Variants in GALNT5 observed in about 807,000 individuals in gnomAD.
GALNT5 encodes polypeptide N-acetylgalactosaminyltransferase 5.
A neutral mutation model predicts 85.4 loss-of-function variants in GALNT5; 72 were observed. That is an observed-to-expected ratio of 0.84 (90% CI 0.70 to 1.03). GALNT5 has a LOEUF of 1.03. GALNT5 is among the 50% of genes least tolerant of loss of function. GALNT5 has a pLI of 0.00. For missense variants in GALNT5, 1,137 were observed against 1,135.5 expected, an observed-to-expected ratio of 1.00 and a Z score of -0.02; for synonymous variants, 404 against 397.0, an observed-to-expected ratio of 1.02 and a Z score of -0.21.
intron 1 of GALNT5, among the ~76,000 whole-genome samples, chr2:157,282,614 T>C (rs1300850936): frequency 1.3e-5 from 2 of 152,220 alleles, no homozygotes; most frequent in Non-Finnish European, 2.9e-5. Flanking sequence ...TATAGGTACA[T>C]GTTTAATTTC....
At position 157,311,232 on chromosome 2, in the gene GALNT5, A is replaced by G; in HGVS notation, c.2707A>G (p.Asn903Asp). 1 of 1,611,212 alleles carries G rather than the reference A, an allele frequency of 6.2e-7. No homozygotes were observed. The highest frequency in any genetic ancestry group is 1.7e-4 in the Middle Eastern group (1 of 6,044). Residue 903 changes from asparagine to aspartate, a missense_variant, in exon 10 of 10, where the codon AAT (asparagine) becomes GAT (aspartate). Transcript: ENST00000259056. ...ELVNHIVFEN[N>D]QQLLCLEGNF... is the part of the protein sequence containing the mutation. ...GGTGAATCACATTGTTTTTGAAAAC[A>G]ATCAGCAATTATTATGCTTGGAAGG...
chr2:157,258,305 A>G lies in GALNT5; in HGVS notation c.223A>G (p.Lys75Glu), dbSNP rs551225376. The G allele has an allele frequency of 6.3e-7, 1 of 1,596,654 alleles. No individual in the cohort carries two copies. Among genetic ancestry groups the G allele is most frequent in the African/African-American group, 1.4e-5 (1 of 73,948 alleles). The change falls in exon 1 of 10, where the codon AAA becomes GAA. Residue 75 changes from lysine to glutamate, a missense_variant. Lys to Glu is a moderately conservative substitution (Grantham distance 56). Transcript: ENST00000259056. ...TTTTTACAGCAGCATAAAAGAGATG[A>G]AACCTCCCCTAAGGGGACATGGGAA... ...KIFYSSIKEM[K>E]PPLRGHGKGA...
At chr2:157,274,442 A>G (rs1353785997) in intron 1 of GALNT5, among the ~76,000 whole-genome samples, 1 of 152,206 alleles carries the variant, frequency 6.6e-6, no homozygotes, top group Non-Finnish European at 1.5e-5. Flanking sequence ...TTACAGTCCC[A>G]CCAACAGTGT....
At position 157,258,805 on chromosome 2, in the gene GALNT5, T is replaced by A; in HGVS notation, c.723T>A (p.Pro241=). Residue 241 remains proline (P), a synonymous_variant, in exon 1 of 10, where the codon CCT becomes CCA. Transcript: ENST00000259056. The stretch of plus-strand genomic sequence containing the variant: ...CAGTAGCAAACGAGAGGGCACACCC[T>A]GCCAGCACAGCAGTGCCGAAGTCTG... ...SQAVANERAH[P]ASTAVPKSGE... is the part of the protein sequence containing the mutation. 1 of 1,602,638 alleles carries A rather than the reference T, an allele frequency of 6.2e-7. No individual in the cohort carries two copies. Among genetic ancestry groups the A allele is most frequent in the Non-Finnish European group, 8.5e-7 (1 of 1,171,620 alleles).
At chr2:157,275,772 C>T (rs2105131817) in intron 1 of GALNT5, among the ~76,000 whole-genome samples, 1 of 152,312 alleles carries the variant, frequency 6.6e-6, no homozygotes, top group East Asian at 1.9e-4. Flanking sequence ...CATCTGCAAA[C>T]AGGGACAATT....
At position 157,268,880 on chromosome 2, in the gene GALNT5, A is replaced by G. The variant is rs185098210; in HGVS notation, c.1454+9344A>G. 1.6e-3 allele frequency among the ~76,000 whole-genome samples: 237 copies of G among 152,366 alleles called. 1 individual carries two copies. Among genetic ancestry groups the G allele is most frequent in the African/African-American group, 5.4e-3 (225 of 41,586 alleles). On this transcript the variant is annotated intron_variant, in intron 1 of 9. Coordinates refer to ENST00000259056, the MANE Select transcript of GALNT5 (RefSeq NM_014568.3). ...TAATTTGTATAATAAATAGGCATAT[A>G]GAATATAAATGTGATTTCTTAGCCT... is the stretch of plus-strand genomic sequence containing the variant.
rs1682269936 is a variant in GALNT5 at position 157,259,029 on chromosome 2, A to G, written c.947A>G (p.Asn316Ser). ...AGAGGGGCTCATGGGAAGAAACTCA[A>G]TTTCTCTGAAAGCCATCTTGTGATT... ...GARGAHGKKL[N>S]FSESHLVIIT... Residue 316 changes from asparagine to serine, a missense_variant, in exon 1 of 10, where the codon AAT (asparagine) becomes AGT (serine). Transcript: ENST00000259056. The G allele has an allele frequency of 1.6e-5, 23 of 1,474,342 alleles. No homozygotes were observed. Among genetic ancestry groups the G allele is most frequent in the Non-Finnish European group, 2.1e-5 (23 of 1,110,576 alleles). The allele number at this position is 1,474,342 out of a possible 1,614,324, so 91.3% of individuals were successfully genotyped here.
At chr2:157,291,784 C>T (rs1216967895) in intron 3 of GALNT5, among the ~76,000 whole-genome samples, 1 of 152,128 alleles carries the variant, frequency 6.6e-6, no homozygotes, top group Non-Finnish European at 1.5e-5. Context: ...CTCCCTATAT[C>T]CCCTCTCTCC....
At chr2:157,310,681 T>C (rs1683549883) in intron 9 of GALNT5, among the ~76,000 whole-genome samples, 1 of 152,228 alleles carries the variant, frequency 6.6e-6, no homozygotes, top group African/African-American at 2.4e-5. Context: ...AATATAACTT[T>C]CTTTAATGCT....
intron 1 of GALNT5, among the ~76,000 whole-genome samples, chr2:157,267,710 C>G (rs1449552151): frequency 6.6e-6 from 1 of 152,210 alleles, no homozygotes; most frequent in African/African-American, 2.4e-5. Context: ...GCTTATATTT[C>G]TAAGCCTGAG....
intron 6 of GALNT5, 95 bp from the exon 7 acceptor site, chr2:157,300,581 G>A (rs916349563): frequency 3.2e-6 from 3 of 931,608 alleles, no homozygotes; most frequent in Non-Finnish European, 5.1e-6. Flanking sequence ...ATTACTTCAG[G>A]TAGGGGGAAA....
intron 1 of GALNT5, among the ~76,000 whole-genome samples, chr2:157,270,178 T>A (rs1682551375): frequency 6.6e-6 from 1 of 152,110 alleles, no homozygotes; most frequent in Non-Finnish European, 1.5e-5. Context: ...CTTACACCAG[T>A]CCCCTCAAAC....
At chr2:157,262,819 C>CTTTTTTT (rs535380585) in intron 1 of GALNT5, among the ~76,000 whole-genome samples, 1 of 100,946 alleles carries the variant, frequency 9.9e-6, no homozygotes. Context: ...TTTCACAACT[C>CTTTTTTT]TTTTTTTTTT....
chr2:157,258,534 C>G lies in GALNT5; in HGVS notation c.452C>G (p.Pro151Arg). Residue 151 changes from proline (P) to arginine (R), a missense_variant, in exon 1 of 10, where the codon CCT becomes CGT. Physicochemically the swap from Pro to Arg is moderately radical, Grantham distance 103 (BLOSUM62 -2). Transcript: ENST00000259056. ...KQKTDGRGTK[P>R]EASSHQGTPK... The stretch of plus-strand genomic sequence containing the variant: ...AAGACAGACGGGAGAGGCACCAAAC[C>G]TGAAGCCTCCTCTCACCAGGGGACA... 6.2e-7 allele frequency: 1 copy of G among 1,612,798 alleles called. No individual in the cohort carries two copies. The highest frequency in any genetic ancestry group is 8.5e-7 in the Non-Finnish European group (1 of 1,179,760).
chr2:157,284,580 G>T (rs714649), intron 2 of GALNT5, 132 bp downstream of exon 2: 38,943 of 690,814 alleles, frequency 0.056, 5,862 homozygotes, highest in African/African-American at 0.44. Context: ...TTTGTTTTAC[G>T]TGGAGCCTCA....
chr2:157,264,705 C>T (rs537277072), intron 1 of GALNT5, among the ~76,000 whole-genome samples: 2 of 151,814 alleles, frequency 1.3e-5, no homozygotes, highest in African/African-American at 4.8e-5. Flanking sequence ...TAATTTTGAT[C>T]CTAGTAGGGT....
rs989336936 is a variant in GALNT5, at chr2:157,312,822, G to C, written c.*1474G>C. The C allele has an allele frequency of 6.6e-6, 1 of 152,090 alleles. No homozygotes were observed. Among genetic ancestry groups the C allele is most frequent in the African/African-American group, 2.4e-5 (1 of 41,414 alleles). The allele number at this position is 152,090 out of a possible 1,614,324, so 9.4% of individuals were successfully genotyped here. On this transcript the variant is annotated 3_prime_UTR_variant, in exon 10 of 10. Transcript: ENST00000259056. ...CTTAGAAAGAGATACACAATTCTTT[G>C]CTGGGATTGGGTCCCTGGAGGACAA...
intron 5 of GALNT5, chr2:157,298,911 G>A (rs940035154): frequency 6.7e-5 from 10 of 149,792 alleles, no homozygotes; most frequent in African/African-American, 2.2e-4. Flanking sequence ...CTAGTAGAGA[G>A]CGCAGCTACT....
chr2:157,317,189 T>TAC lies in GALNT5; in HGVS notation c.*5842_*5843insCA, dbSNP rs1293550483. On this transcript the variant is annotated 3_prime_UTR_variant, in exon 10 of 10. Transcript: ENST00000259056. ...GTATGTGTGTGTATATATATATATATATATATATATTTTTTTTTTTGATGC... is the reference window on the plus strand; with the variant it reads ...GTATGTGTGTGTATATATATATATATACATATATATATTTTTTTTTTTGATGC... 3.6e-5 allele frequency among the ~76,000 whole-genome samples: 5 copies of TAC among 139,544 alleles called. No individual in the cohort carries two copies. Among genetic ancestry groups the TAC allele is most frequent in the Non-Finnish European group, 7.6e-5 (5 of 65,500 alleles). 91.5% of individuals were successfully genotyped at this position (139,544 alleles called of 152,430 possible). A position where few individuals can be genotyped will look rare whatever the true frequency, so the allele number is the denominator to read the frequency against.
Sources: allele counts gnomAD v4.1 joint callset (sites outside exome capture counted in the v4.1 genomes callset), GRCh38; gene constraint gnomAD v4.1.1; transcripts MANE v1.5; gene names NCBI Gene and HGNC (gene_info 2026-07-23, HGNC 2026-07-21).